LMBR1: variants seen among roughly 807,000 people sequenced by gnomAD.
The protein encoded by LMBR1 is limb region 1 protein homolog.
LMBR1 carries 52 observed loss-of-function variants against 73.9 expected under a neutral mutation model. That is an observed-to-expected ratio of 0.70 (90% CI 0.56 to 0.89). The LOEUF is 0.89. Ranked by LOEUF, LMBR1 falls within the 40% of genes least tolerant of loss-of-function variation. The pLI is 0.00. For synonymous variants in LMBR1, 215 were observed against 209.4 expected (o/e 1.03, Z -0.23); for missense variants, 539 against 579.8 (o/e 0.93, Z 0.72).
chr7:156,833,141 T>C (rs1227518695), intron 3 of LMBR1, among the ~76,000 whole-genome samples: 2 of 152,232 alleles, frequency 1.3e-5, no homozygotes. Context: ...ACTTCCACCT[T>C]TTCTATAAAC....
chr7:156,708,620 T>C (rs573712555), intron 15 of LMBR1, among the ~76,000 whole-genome samples: 47 of 152,004 alleles, frequency 3.1e-4, no homozygotes, highest in African/African-American at 9.4e-4. Flanking sequence ...TGTAATAACT[T>C]TGGGCACAAA....
chr7:156,872,399 G>T (rs1195043686), intron 1 of LMBR1, among the ~76,000 whole-genome samples: 1 of 152,068 alleles, frequency 6.6e-6, no homozygotes, highest in African/African-American at 2.4e-5. Flanking sequence ...TGTAATCCCA[G>T]CACTTTGGGA....
chr7:156,769,843 C>T (rs1336163225), intron 5 of LMBR1, among the ~76,000 whole-genome samples: 1 of 152,198 alleles, frequency 6.6e-6, no homozygotes, highest in Non-Finnish European at 1.5e-5. Context: ...CTCTGTGGCC[C>T]AGAGGGAGCC....
At chr7:156,866,292 A>G (rs1040615631) in intron 1 of LMBR1, among the ~76,000 whole-genome samples, 6 of 152,150 alleles carry the variant, frequency 3.9e-5, no homozygotes, top group African/African-American at 1.2e-4. Flanking sequence ...TATGTTTGCT[A>G]TAACAGATCA....
rs769663407 is a variant in LMBR1, at chr7:156,788,784, A to G, written c.423+7605T>C. 2.7e-4 allele frequency among the ~76,000 whole-genome samples: 41 copies of G among 152,350 alleles called. 1 individual carries two copies. The highest frequency in any genetic ancestry group is 6.8e-3 in the Middle Eastern group (2 of 294). On this transcript the variant is annotated intron_variant, in intron 5 of 16. Coordinates refer to ENST00000353442, the MANE Select transcript of LMBR1 (RefSeq NM_022458.4). ...ATAAATTGGCTGGGCACAATGGCTCACGCCTGTAATCCCAGCACTTTGGGT... is the reference window on the plus strand; with the variant it reads ...ATAAATTGGCTGGGCACAATGGCTCGCGCCTGTAATCCCAGCACTTTGGGT...
At chr7:156,814,738 C>T (rs2058564) in intron 4 of LMBR1, among the ~76,000 whole-genome samples, 67,015 of 151,992 alleles carry the variant, frequency 0.44, 14,945 homozygotes, top group East Asian at 0.61. Flanking sequence ...ACTCTGTCAC[C>T]CAGTTTCCTC....
intron 14 of LMBR1, 113 bp from the exon 15 acceptor site, chr7:156,724,291 G>A (rs543869688): frequency 7.9e-5 from 57 of 718,926 alleles, no homozygotes; most frequent in Middle Eastern, 4.8e-4. Context: ...GTACTTTGCC[G>A]ATTTCTTAAT....
intron 9 of LMBR1, among the ~76,000 whole-genome samples, chr7:156,755,594 CTT>C (rs1471368801): frequency 6.6e-6 from 1 of 152,166 alleles, no homozygotes; most frequent in Non-Finnish European, 1.5e-5. Context: ...TTTAAGGAAA[CTT>C]TATAAAGCTG....
At chr7:156,827,136 G>T (rs1446530575) in intron 3 of LMBR1, among the ~76,000 whole-genome samples, 1 of 151,796 alleles carries the variant, frequency 6.6e-6, no homozygotes, top group Non-Finnish European at 1.5e-5. Context: ...CAACTGAGGT[G>T]AAAAAATTAC....
intron 1 of LMBR1, among the ~76,000 whole-genome samples, chr7:156,885,055 G>GT (rs199911371): frequency 0.032 from 4,829 of 152,274 alleles, 120 homozygotes; most frequent in South Asian, 0.085. Context: ...TCTCTGTTGT[G>GT]TAAGTCCCAG....
At chr7:156,848,526 C>A (rs536790407) in intron 1 of LMBR1, among the ~76,000 whole-genome samples, 19 of 152,242 alleles carry the variant, frequency 1.2e-4, no homozygotes, top group Admixed American at 5.2e-4. Flanking sequence ...CAAAAAATAA[C>A]AGATGCTGGT....
intron 1 of LMBR1, among the ~76,000 whole-genome samples, chr7:156,879,519 C>T (rs1055650830): frequency 1.3e-5 from 2 of 152,036 alleles, no homozygotes; most frequent in African/African-American, 4.8e-5. Flanking sequence ...AAAAAATTAG[C>T]CAGGCGTGGT....
At chr7:156,787,564 T>C (rs1828353540) in intron 5 of LMBR1, among the ~76,000 whole-genome samples, 1 of 152,204 alleles carries the variant, frequency 6.6e-6, no homozygotes, top group South Asian at 2.1e-4. Context: ...TCTCTTTGCA[T>C]GACAATTTAA....
At chr7:156,751,974 A>T (rs1820982680) in intron 9 of LMBR1, among the ~76,000 whole-genome samples, 1 of 152,198 alleles carries the variant, frequency 6.6e-6, no homozygotes, top group African/African-American at 2.4e-5. Flanking sequence ...ATGAACTAAT[A>T]AGGGAGTAAA....
intron 5 of LMBR1, among the ~76,000 whole-genome samples, chr7:156,788,165 T>C (rs183600191): frequency 1.1e-4 from 17 of 152,090 alleles, no homozygotes; most frequent in African/African-American, 3.9e-4. Flanking sequence ...CCGGGTACAG[T>C]AGCTCAAGCC....
intron 4 of LMBR1, among the ~76,000 whole-genome samples, chr7:156,811,278 A>G (rs1833049411): frequency 6.6e-6 from 1 of 151,986 alleles, no homozygotes; most frequent in Admixed American, 6.6e-5. Context: ...TATGTTCAAC[A>G]TTTCCTCTAA....
chr7:156,858,951 C>G (rs1406372630), intron 1 of LMBR1, among the ~76,000 whole-genome samples: 1 of 152,106 alleles, frequency 6.6e-6, no homozygotes, highest in East Asian at 1.9e-4. Context: ...TAACATCATA[C>G]TTAATGATTA....
intron 15 of LMBR1, among the ~76,000 whole-genome samples, chr7:156,721,395 T>C (rs1305901502): frequency 1.3e-5 from 2 of 152,108 alleles, no homozygotes; most frequent in East Asian, 1.9e-4. Context: ...TCTATTCTTC[T>C]AAAATTCACT....
At position 156,700,406 on chromosome 7, in the gene LMBR1, G is replaced by T. The variant is rs1377430335; in HGVS notation, c.1226-12215C>A. On this transcript the variant is annotated intron_variant, in intron 15 of 16. Transcript: ENST00000353442. ...TCGGACTGTTGTGGGGTGGGAGGAG[G>T]GGGGGAGGGATAGCATTAGGAGATA... Among the ~76,000 whole-genome samples the T allele has an allele frequency of 1.8e-3, 24 of 13,700 alleles. No individual in the cohort carries two copies. In the South Asian group the frequency reaches 0.052, roughly 30 times the overall value. 9.0% of individuals were successfully genotyped at this position (13,700 alleles called of 152,430 possible).
Sources: allele counts gnomAD v4.1 joint callset (sites outside exome capture counted in the v4.1 genomes callset), GRCh38; gene constraint gnomAD v4.1.1; transcripts MANE v1.5; gene names NCBI Gene and HGNC (gene_info 2026-07-23, HGNC 2026-07-21).